OBSL1: variants seen among roughly 807,000 people sequenced by gnomAD.
OBSL1 encodes obscurin-like protein 1.
Under a neutral mutation model 172.0 loss-of-function variants are expected in OBSL1, and 160 were observed. The ratio of observed to expected loss-of-function variants is 0.93; its 90% CI spans 0.82 to 1.06. The LOEUF is 1.06. OBSL1 is among the 50% of genes least tolerant of loss of function. The probability of loss-of-function intolerance (pLI) is 0.00; values close to 1 mark genes in which losing one functional copy is unlikely to be tolerated. For synonymous variants in OBSL1, 1,200 were observed against 1,196.3 expected, an observed-to-expected ratio of 1.00 and a Z score of -0.06; for missense variants, 2,681 against 2,715.4, an observed-to-expected ratio of 0.99 and a Z score of 0.28.
At chr2:219,550,874 G>A in intron 20 of OBSL1, 32 bp from the exon 21 acceptor site, 1 of 499,990 alleles carries the variant, frequency 2.0e-6, no homozygotes, top group South Asian at 2.0e-5. Context: ...TGGGGCTGGG[G>A]AGAGAAGGGG....
chr2:219,566,226 A>C (rs1390142880), intron 5 of OBSL1, among the ~76,000 whole-genome samples: 2 of 152,226 alleles, frequency 1.3e-5, no homozygotes, highest in African/African-American at 4.8e-5. Context: ...CTAAAATACA[A>C]AAACAAGCCG....
intron 8 of OBSL1, chr2:219,561,948 T>G (rs1362910452): frequency 2.8e-6 from 2 of 717,526 alleles, no homozygotes; most frequent in Non-Finnish European, 5.2e-6. Context: ...GGTCTTCGGC[T>G]TTTTCAAGAG....
downstream of OBSL1, chr2:219,549,993 A>G: frequency 4.2e-6 from 5 of 1,195,460 alleles, no homozygotes; most frequent in Non-Finnish European, 5.8e-6. Flanking sequence ...AGAAGGGAGG[A>G]TTGTCTCAGG....
At position 219,558,018 on chromosome 2, in the gene OBSL1, G is replaced by C; in HGVS notation, c.3595C>G (p.Arg1199Gly). The C allele has an allele frequency of 6.2e-7, 1 of 1,613,010 alleles. No homozygotes were observed. Among genetic ancestry groups the C allele is most frequent in the South Asian group, 1.1e-5 (1 of 91,050 alleles). Residue 1199 changes from arginine to glycine, a missense_variant, in exon 11 of 21, where the codon CGG (arginine) becomes GGG (glycine). Physicochemically the swap from Arg to Gly is moderately radical, Grantham distance 125 (BLOSUM62 -2). This residue lies in a region of OBSL1 where 1,765 missense variants were observed against 1,748.3 expected (regional missense o/e 1.01). Transcript: ENST00000404537. ...EPVVLSCELSRAGAPVVWSHN... is the reference protein window; with the variant it reads ...EPVVLSCELSGAGAPVVWSHN... ...CTCCAGACCACGGGGGCGCCAGCCC[G>C]GGACAGTTCACAGCTCAGCACCACT...
Position 219,570,690 on chromosome 2 carries a change from C to A in OBSL1, c.543G>T (p.Pro181=). 1 of 1,509,004 alleles carries A rather than the reference C, an allele frequency of 6.6e-7. No individual in the cohort carries two copies. The highest frequency in any genetic ancestry group is 8.8e-7 in the Non-Finnish European group (1 of 1,135,066). The allele number at this position is 1,509,004 out of a possible 1,614,324, so 93.5% of individuals were successfully genotyped here. A position where few individuals can be genotyped will look rare whatever the true frequency, so the allele number is the denominator to read the frequency against. The stretch of plus-strand genomic sequence containing the variant: ...CGCCGGGGCCGTCCTCGGCGCGGCC[C>A]GGCTGGAGCGCGAAGTGGCTGCTGT... The part of the protein sequence containing the change: ...VWDSSHFALQ[P]GRAEDGPGAS... Residue 181 remains proline (P), a synonymous_variant, in exon 1 of 21, where the codon CCG becomes CCT. Transcript: ENST00000404537.
rs200846552 is a variant in OBSL1, at chr2:219,562,584, C to T, written c.2771G>A (p.Arg924Gln). Residue 924 changes from arginine to glutamine, a missense_variant, in exon 8 of 21, where the codon CGG becomes CAG. Transcript: ENST00000404537. ...ERVVLTCELC[R>Q]PWAEVRWTKD... ...GGTCCAGCGCACCTCTGCCCAGGGC[C>T]GGCATAGCTCACAGGTCAGCACCAC... 8.7e-5 allele frequency: 141 copies of T among 1,612,174 alleles called. 1 individual carries two copies. The highest frequency in any genetic ancestry group is 1.6e-4 in the Middle Eastern group (1 of 6,082).
chr2:219,559,505 G>T lies in OBSL1; in HGVS notation c.2954-8C>A. The T allele has an allele frequency of 6.2e-7, 1 of 1,602,942 alleles. No homozygotes were observed. The highest frequency in any genetic ancestry group is 8.5e-7 in the Non-Finnish European group (1 of 1,170,774). ...TGATCCGCACTGGGGGTTCTGCAGG[G>T]TGGGGACAACCACAGCCTGTCACAA... is the stretch of plus-strand genomic sequence containing the variant. On this transcript the variant is annotated splice_region_variant and splice_polypyrimidine_tract_variant and intron_variant, in intron 8 of 20. Coordinates refer to ENST00000404537, the MANE Select transcript of OBSL1 (RefSeq NM_015311.3).
intron 8 of OBSL1, chr2:219,562,007 C>T: frequency 1.4e-6 from 1 of 717,612 alleles, no homozygotes; most frequent in Non-Finnish European, 2.6e-6. Flanking sequence ...TTTGGTAAGA[C>T]TCTGCAGACC....
intron 12 of OBSL1, chr2:219,556,998 C>T (rs1031881330): frequency 1.2e-4 from 61 of 503,506 alleles, no homozygotes; most frequent in Non-Finnish European, 2.0e-4. Context: ...ATTTACTTGT[C>T]ACAACAGGCC....
intron 5 of OBSL1, among the ~76,000 whole-genome samples, chr2:219,566,614 C>T (rs964066007): frequency 1.3e-5 from 2 of 152,198 alleles, no homozygotes; most frequent in Non-Finnish European, 2.9e-5. Context: ...GGATATGATG[C>T]TGACATATAT....
intron 19 of OBSL1, 123 bp downstream of exon 19, chr2:219,551,989 G>T: frequency 9.1e-7 from 1 of 1,093,508 alleles, no homozygotes; most frequent in Non-Finnish European, 1.4e-6. Context: ...CCCGGCCCAG[G>T]AGAGCCCCTC....
At chr2:219,563,664 C>T in intron 6 of OBSL1, 37 bp from the exon 7 acceptor site, 2 of 1,590,422 alleles carry the variant, frequency 1.3e-6, no homozygotes, top group Non-Finnish European at 1.7e-6. Flanking sequence ...CACAGACACC[C>T]CCGCACAATG....
Position 219,554,740 on chromosome 2 carries a change from G to A in OBSL1, c.4610C>T (p.Pro1537Leu), listed in dbSNP as rs1438740649. ...DRTLARLSVR[P>L]RQLRVLRPLE... The stretch of plus-strand genomic sequence containing the variant: ...AGGCCGCAGCACCCTCAGCTGCCTC[G>A]CTGGCCGGGGGAGATGGAGAGAGGG... The change falls in exon 15 of 21, where the codon CCG (proline) becomes CTG (leucine). Residue 1537 changes from proline to leucine, a missense_variant and splice_region_variant. Physicochemically the swap from Pro to Leu is moderately conservative, Grantham distance 98. Coordinates refer to ENST00000404537, the MANE Select transcript of OBSL1 (RefSeq NM_015311.3). 4.5e-6 allele frequency: 7 copies of A among 1,542,990 alleles called. No homozygotes were observed. Among genetic ancestry groups the A allele is most frequent in the East Asian group, 2.4e-5 (1 of 41,056 alleles).
In OBSL1 at chr2:219,568,166, C is replaced by T. The variant is rs1697062130; in HGVS notation, c.1171G>A (p.Glu391Lys). 6.2e-7 allele frequency: 1 copy of T among 1,613,812 alleles called. No individual in the cohort carries two copies. The highest frequency in any genetic ancestry group is 1.7e-4 in the Middle Eastern group (1 of 6,060). Residue 391 changes from glutamate to lysine, a missense_variant, in exon 2 of 21, where the codon GAG becomes AAG. This residue lies in a region of OBSL1 where 706 missense variants were observed against 695.8 expected (regional missense o/e 1.01). Transcript: ENST00000404537. The surrounding 1 kb of genome is among the most constrained non-coding windows in gnomAD (Gnocchi z 4.1). ...ATGATGAGGCGCCGGACAGTGCCCT[C>T]TTCGATCTGCTCGTACTTGCGGCAG... ...LPCRKYEQIEEGTVRRLIIHR... is the reference protein window; with the variant it reads ...LPCRKYEQIEKGTVRRLIIHR...
In OBSL1 at chr2:219,552,576, G is replaced by C. The variant is rs1329544214; in HGVS notation, c.5268C>G (p.Arg1756=). 4 of 1,593,836 alleles carry C rather than the reference G, an allele frequency of 2.5e-6. No homozygotes were observed. Among genetic ancestry groups the C allele is most frequent in the Non-Finnish European group, 3.4e-6 (4 of 1,176,534 alleles). Residue 1756 remains arginine, a synonymous_variant, in exon 18 of 21, where the codon CGC becomes CGG. Transcript: ENST00000404537. ...ETTGRWELGG[R]PLRPGARVRI... Reference sequence around the variant, plus strand: ...GGACGCGGGCTCCGGGTCTCAGCGGGCGGCCTCCGAGCTCCCAGCGCCCCG... The same window carrying C: ...GGACGCGGGCTCCGGGTCTCAGCGGCCGGCCTCCGAGCTCCCAGCGCCCCG...
chr2:219,565,780 A>C (rs1696844501), intron 5 of OBSL1, among the ~76,000 whole-genome samples: 1 of 152,170 alleles, frequency 6.6e-6, no homozygotes. Flanking sequence ...ATGTCAGTGA[A>C]CTGGGATCCC....
At chr2:219,550,000 C>A, downstream of OBSL1, 1 of 1,148,582 alleles carries the variant, frequency 8.7e-7, no homozygotes, top group Non-Finnish European at 1.2e-6. Context: ...AGGATTGTCT[C>A]AGGCGAGTCT....
Position 219,552,380 on chromosome 2 carries a change from G to C in OBSL1, c.5308+156C>G, listed in dbSNP as rs1018676831. On this transcript the variant is annotated intron_variant, in intron 18 of 20. Transcript: ENST00000404537. ...CGGGAAGCCTAGAGGTCCGGGACTAGGGGCTGGGGGCGGGGGAAAGAACAG... is the reference window on the plus strand; with the variant it reads ...CGGGAAGCCTAGAGGTCCGGGACTACGGGCTGGGGGCGGGGGAAAGAACAG... 3.4e-5 allele frequency: 29 copies of C among 857,590 alleles called. No homozygotes were observed. The East Asian group carries it at 7.2e-4, about 21-fold the overall frequency. The allele number at this position is 857,590 out of a possible 1,614,324, so 53.1% of individuals were successfully genotyped here. A position where few individuals can be genotyped will look rare whatever the true frequency, so the allele number is the denominator to read the frequency against.
chr2:219,549,808 C>G, downstream of OBSL1: 5 of 1,614,090 alleles, frequency 3.1e-6, no homozygotes, highest in Non-Finnish European at 4.2e-6. Flanking sequence ...GAGTATGGGT[C>G]CCGGGGACCT....
Sources: allele counts gnomAD v4.1 joint callset (sites outside exome capture counted in the v4.1 genomes callset), GRCh38; gene constraint gnomAD v4.1.1; regional missense constraint gnomAD v4.1.1; non-coding constraint Gnocchi (gnomAD v3.1); transcripts MANE v1.5; gene names NCBI Gene and HGNC (gene_info 2026-07-23, HGNC 2026-07-21).